Variants in SETD3 observed in about 807,000 individuals in gnomAD.
The protein encoded by SETD3 is SET domain containing 3, actin N3(tau)-histidine methyltransferase.
In SETD3, 19 loss-of-function variants were observed where a neutral mutation model predicts 63.0. The ratio of observed to expected loss-of-function variants is 0.30; its 90% CI spans 0.21 to 0.44. The LOEUF (loss-of-function observed/expected upper bound fraction) is 0.44, where lower values mean the gene tolerates loss of function less well. Ranked by LOEUF, SETD3 falls within the 20% of genes least tolerant of loss-of-function variation. The pLI is 1.00. For synonymous variants in SETD3, 286 were observed against 264.1 expected (o/e 1.08, Z -0.80); for missense variants, 587 against 728.5 (o/e 0.81, Z 2.24).
chr14:99,404,348 C>A, intron 10 of SETD3, 38 bp from the exon 11 acceptor site: 1 of 1,577,308 alleles, frequency 6.3e-7, no homozygotes, highest in South Asian at 1.1e-5. Flanking sequence ...CACCCTGCTG[C>A]GGTTACCCAC....
At chr14:99,410,744 C>T in intron 8 of SETD3, among the ~76,000 whole-genome samples, 1 of 152,304 alleles carries the variant, frequency 6.6e-6, no homozygotes, top group African/African-American at 2.4e-5. Flanking sequence ...TTCATCCAGC[C>T]CCTTACTTTC....
chr14:99,468,603 T>C (rs1432184307), intron 1 of SETD3, among the ~76,000 whole-genome samples: 2 of 151,980 alleles, frequency 1.3e-5, no homozygotes, highest in East Asian at 1.9e-4. Flanking sequence ...GGGCTCCCAG[T>C]CCCTCTACAG....
intron 1 of SETD3, among the ~76,000 whole-genome samples, chr14:99,480,377 G>A (rs1385517614): frequency 6.6e-6 from 1 of 151,926 alleles, no homozygotes; most frequent in Non-Finnish European, 1.5e-5. Context: ...GGAGAGCGCT[G>A]CCTGCACCTG....
intron 8 of SETD3, among the ~76,000 whole-genome samples, chr14:99,407,048 T>C (rs977517755): frequency 3.9e-5 from 6 of 152,206 alleles, no homozygotes; most frequent in Admixed American, 2.0e-4. Flanking sequence ...GGGTGTTCCA[T>C]TGGATAAAGA....
rs1161892805 is a variant in SETD3, at chr14:99,465,777, T to C, written c.29A>G (p.Gln10Arg). The C allele has an allele frequency of 3.7e-6, 6 of 1,614,118 alleles. No homozygotes were observed. Among genetic ancestry groups the C allele is most frequent in the South Asian group, 1.1e-5 (1 of 91,082 alleles). The change falls in exon 2 of 13, where the codon CAG (glutamine) becomes CGG (arginine). Residue 10 changes from glutamine to arginine, a missense_variant. Transcript: ENST00000331768. Reference protein sequence around the residue: MGKKSRVKTQKSGTGATATV... With the variant: MGKKSRVKTRKSGTGATATV... ...TGCTGTAGCACCAGTGCCAGATTTC[T>C]GAGTTTTTACTCGACTCTTCTTACC...
chr14:99,468,303 G>A (rs917624449), intron 1 of SETD3, among the ~76,000 whole-genome samples: 1 of 151,892 alleles, frequency 6.6e-6, no homozygotes, highest in Non-Finnish European at 1.5e-5. Flanking sequence ...CCTCCTGAAC[G>A]AGTCCTCATG....
In SETD3 at chr14:99,413,006, C is replaced by T. The variant is rs755406912; in HGVS notation, c.794G>A (p.Arg265His). ...QNQIPTEDGS[R>H]VTLALIPLWD... is the part of the protein sequence containing the mutation. ...TAAAGGAATCAGAGCCAGGGTCACG[C>T]GGGAACCATCCTCTGTGGGAATTTG... Residue 265 changes from arginine (R) to histidine (H), a missense_variant, in exon 8 of 13, where the codon CGC (arginine) becomes CAC (histidine). Coordinates refer to ENST00000331768, the MANE Select transcript of SETD3 (RefSeq NM_032233.3). The T allele has an allele frequency of 1.2e-5, 20 of 1,613,928 alleles. No individual in the cohort carries two copies. The highest frequency in any genetic ancestry group is 3.3e-5 in the South Asian group (3 of 91,076).
chr14:99,446,843 A>G (rs1894156137), intron 6 of SETD3, among the ~76,000 whole-genome samples: 1 of 151,906 alleles, frequency 6.6e-6, no homozygotes, highest in Non-Finnish European at 1.5e-5. Context: ...CTGACCTGGG[A>G]ACTCAAACCC....
Position 99,400,104 on chromosome 14 carries a change from T to C in SETD3, c.1333A>G (p.Ile445Val), listed in dbSNP as rs1020516979. Residue 445 changes from isoleucine to valine, a missense_variant, in exon 12 of 13, where the codon ATT becomes GTT. Transcript: ENST00000331768. ...CATTTATTTAGTGTAATTACCTCAA[T>C]AGTTGTTTTATATGTTTTTAAAAGA... ...SLLLKTYKTT[I>V]EEDKSVLKNH... 1.2e-5 allele frequency: 19 copies of C among 1,609,286 alleles called. No individual in the cohort carries two copies. Among genetic ancestry groups the C allele is most frequent in the Non-Finnish European group, 1.6e-5 (19 of 1,177,892 alleles).
At chr14:99,466,440 C>G (rs896623352) in intron 1 of SETD3, among the ~76,000 whole-genome samples, 2 of 152,228 alleles carry the variant, frequency 1.3e-5, no homozygotes, top group African/African-American at 2.4e-5. Context: ...GTGCCACACA[C>G]GGGTCCTCTG....
chr14:99,468,017 T>C (rs1489590508), intron 1 of SETD3, among the ~76,000 whole-genome samples: 1 of 152,174 alleles, frequency 6.6e-6, no homozygotes, highest in African/African-American at 2.4e-5. Flanking sequence ...AAGCAGTAGA[T>C]ACCATCCTCA....
chr14:99,406,602 A>G lies in SETD3; in HGVS notation c.850-12T>C. ...TAACCAGTAGTGATCTAGCCCGGGG[A>G]GGAGGAAGGAAATGATGGTGAGGCA... On this transcript the variant is annotated splice_polypyrimidine_tract_variant and intron_variant, in intron 8 of 12. Transcript: ENST00000331768. 9.3e-6 allele frequency: 15 copies of G among 1,613,358 alleles called. No individual in the cohort carries two copies. The highest frequency in any genetic ancestry group is 1.3e-5 in the Non-Finnish European group (15 of 1,179,338).
At position 99,401,974 on chromosome 14, in the gene SETD3, C is replaced by A. The variant is rs961643334; in HGVS notation, c.1178-1715G>T. On this transcript the variant is annotated intron_variant, in intron 11 of 12. Transcript: ENST00000331768. Reference sequence around the variant, plus strand: ...ATGTAGCATGTGGCCTGCCTGCAGGCCAGGAGCTCCTGCAGCAGGTGCCCT... The same window carrying A: ...ATGTAGCATGTGGCCTGCCTGCAGGACAGGAGCTCCTGCAGCAGGTGCCCT... Among the ~76,000 whole-genome samples, 8 of 146,114 alleles carry A rather than the reference C, an allele frequency of 5.5e-5. 1 individual carries two copies. The highest frequency in any genetic ancestry group is 2.0e-4 in the African/African-American group (7 of 35,702).
rs1485517517 is a variant in SETD3 at position 99,398,778 on chromosome 14, C to A, written c.1686G>T (p.Gly562=). The change falls in exon 13 of 13, where the codon GGG becomes GGT. Residue 562 remains glycine (G), a synonymous_variant. Transcript: ENST00000331768. The part of the protein sequence containing the change: ...LVNGENSIPN[G]TRSENESLNQ... ...TGAGACTTTCATTTTCGGACCTGGT[C>A]CCATTAGGGATAGAGTTTTCACCGT... 9.3e-6 allele frequency: 15 copies of A among 1,614,038 alleles called. No homozygotes were observed. The highest frequency in any genetic ancestry group is 1.3e-5 in the Non-Finnish European group (15 of 1,180,034).
At chr14:99,407,546 A>G (rs1456693541) in intron 8 of SETD3, among the ~76,000 whole-genome samples, 1 of 152,094 alleles carries the variant, frequency 6.6e-6, no homozygotes, top group African/African-American at 2.4e-5. Flanking sequence ...AAATCTTCCT[A>G]TGATTCCGCT....
chr14:99,435,027 T>A (rs1054930672), intron 6 of SETD3, among the ~76,000 whole-genome samples: 2 of 152,046 alleles, frequency 1.3e-5, no homozygotes, highest in African/African-American at 2.4e-5. Flanking sequence ...AAAAATTATA[T>A]TTTTATTCTA....
In SETD3 at chr14:99,412,946, G is replaced by C; in HGVS notation, c.849+5C>G. ...TCAACACAACACAGGGGAAGAGGTC[G>C]TTACCAGGCCGTTGGTGTGGTTACA... is the stretch of plus-strand genomic sequence containing the variant. On this transcript the variant is annotated splice_donor_5th_base_variant and intron_variant, in intron 8 of 12. Transcript: ENST00000331768. 6.3e-7 allele frequency: 1 copy of C among 1,593,388 alleles called. No individual in the cohort carries two copies. The highest frequency in any genetic ancestry group is 8.6e-7 in the Non-Finnish European group (1 of 1,161,166).
intron 1 of SETD3, among the ~76,000 whole-genome samples, chr14:99,470,510 A>G (rs1271007706): frequency 6.6e-6 from 1 of 152,214 alleles, no homozygotes; most frequent in African/African-American, 2.4e-5. Flanking sequence ...CCTAGGGCAC[A>G]GGATCCTAGA....
In SETD3 at chr14:99,415,371, A is replaced by T. The variant is rs188144596; in HGVS notation, c.676-1437T>A. On this transcript the variant is annotated intron_variant, in intron 6 of 12. Transcript: ENST00000331768. ...AATGGCAGAAAAGATGACAATATTC[A>T]AAACTGGAATGCTAAATCTCAAAAT... is the stretch of plus-strand genomic sequence containing the variant. 7.4e-4 allele frequency among the ~76,000 whole-genome samples: 112 copies of T among 152,348 alleles called. 2 individuals carry two copies. The highest frequency in any genetic ancestry group is 2.2e-4 in the Non-Finnish European group (15 of 68,016).
Sources: allele counts gnomAD v4.1 joint callset (sites outside exome capture counted in the v4.1 genomes callset), GRCh38; gene constraint gnomAD v4.1.1; transcripts MANE v1.5; gene names NCBI Gene and HGNC (gene_info 2026-07-23, HGNC 2026-07-21).